The following FOLR3 variants were observed in gnomAD, a reference collection of about 807,000 sequenced individuals.
FOLR3 encodes folate receptor 3 (gamma).
In FOLR3, 9 loss-of-function variants were observed where a neutral mutation model predicts 20.0. The ratio of observed to expected loss-of-function variants is 0.45; its 90% CI spans 0.27 to 0.79. The LOEUF (loss-of-function observed/expected upper bound fraction) is 0.79. Ranked by LOEUF, FOLR3 falls within the 30% of genes least tolerant of loss-of-function variation. FOLR3 has a pLI of 0.15. For missense variants in FOLR3, 309 were observed against 323.5 expected (o/e 0.96, Z 0.34); for synonymous variants, 124 against 115.5 (o/e 1.07, Z -0.47).
At position 72,138,957 on chromosome 11, in the gene FOLR3, C is replaced by T; in HGVS notation, c.169-4C>T. The T allele has an allele frequency of 6.2e-7, 1 of 1,613,832 alleles. No homozygotes were observed. Among genetic ancestry groups the T allele is most frequent in the East Asian group, 2.2e-5 (1 of 44,870 alleles). ...AGACTTAGTCCTGTGTCTTCCCCACCCAGTGCAGTCCCTGGAAGAAGAATG... is the reference window on the plus strand; with the variant it reads ...AGACTTAGTCCTGTGTCTTCCCCACTCAGTGCAGTCCCTGGAAGAAGAATG... On this transcript the variant is annotated splice_region_variant and splice_polypyrimidine_tract_variant and intron_variant, in intron 2 of 4. Coordinates refer to ENST00000611028, the MANE Select transcript of FOLR3 (RefSeq NM_000804.4).
chr11:72,136,928 C>T (rs1947749154), intron 2 of FOLR3, among the ~76,000 whole-genome samples: 1 of 152,214 alleles, frequency 6.6e-6, no homozygotes, highest in African/African-American at 2.4e-5. Flanking sequence ...CCCTAAGACC[C>T]ATGATGTGCA....
In FOLR3 at chr11:72,139,610, G is replaced by A. The variant is rs1399685670; in HGVS notation, c.517G>A (p.Ala173Thr). The A allele has an allele frequency of 1.2e-5, 20 of 1,613,558 alleles. No individual in the cohort carries two copies. Among genetic ancestry groups the A allele is most frequent in the Non-Finnish European group, 1.7e-5 (20 of 1,179,886 alleles). Residue 173 changes from alanine (A) to threonine (T), a missense_variant, in exon 5 of 5, where the codon GCC (alanine) becomes ACC (threonine). Coordinates refer to ENST00000611028, the MANE Select transcript of FOLR3 (RefSeq NM_000804.4). ...TSGINECPAG[A>T]LCSTFESYFP... ...AGGGATTAATGAGTGTCCGGCCGGG[G>A]CCCTCTGCAGCACCTTTGAGTCCTA... is the stretch of plus-strand genomic sequence containing the variant.
In FOLR3 at chr11:72,135,754, A is replaced by G; in HGVS notation, c.-21A>G. ...CCTGGACCTACAGCGCTGTTGGTGG[A>G]GGTCCTGCCTCCAGGTAGGGGAAGG... On this transcript the variant is annotated 5_prime_UTR_variant, in exon 1 of 5. Transcript: ENST00000611028. The G allele has an allele frequency of 1.6e-6, 1 of 617,778 alleles. No individual in the cohort carries two copies. The highest frequency in any genetic ancestry group is 2.9e-6 in the Non-Finnish European group (1 of 349,600). 38.3% of individuals were successfully genotyped at this position (617,778 alleles called of 1,614,324 possible). A position where few individuals can be genotyped will look rare whatever the true frequency, so the allele number is the denominator to read the frequency against.
intron 3 of FOLR3, 47 bp downstream of exon 3, chr11:72,139,196 C>G (rs759713781): frequency 1.3e-6 from 2 of 1,579,496 alleles, no homozygotes; most frequent in Non-Finnish European, 1.7e-6. Flanking sequence ...GAGGGCGGAG[C>G]CTGCCAGTTG....
At chr11:72,138,041 G>A (rs1237519500) in intron 2 of FOLR3, among the ~76,000 whole-genome samples, 1 of 152,056 alleles carries the variant, frequency 6.6e-6, no homozygotes, top group Admixed American at 6.6e-5. Context: ...AATATTGGCT[G>A]GATGCAAAAT....
At chr11:72,136,673 T>C (rs548082352) in intron 2 of FOLR3, among the ~76,000 whole-genome samples, 8 of 152,292 alleles carry the variant, frequency 5.3e-5, no homozygotes. Flanking sequence ...AAATGGAAAC[T>C]CTGTGCCCAC....
At position 72,139,478 on chromosome 11, in the gene FOLR3, C is replaced by T. The variant is rs1236431090; in HGVS notation, c.489C>T (p.Thr163=). The change falls in exon 4 of 5, where the codon ACC becomes ACT. Residue 163 remains threonine (T), a synonymous_variant. Coordinates refer to ENST00000611028, the MANE Select transcript of FOLR3 (RefSeq NM_000804.4). The part of the protein sequence containing the change: ...KSNWHKGWNW[T]SGINECPAGA... ...ACTGGCACAAAGGCTGGAATTGGAC[C>T]TCAGGTGAGGACCTGAGGAGATAAG... 6.2e-7 allele frequency: 1 copy of T among 1,613,760 alleles called. No homozygotes were observed. The highest frequency in any genetic ancestry group is 1.1e-5 in the South Asian group (1 of 91,062).
chr11:72,139,651 C>T lies in FOLR3; in HGVS notation c.558C>T (p.Ala186=), dbSNP rs637640. The T allele has an allele frequency of 1.4e-3, 2,248 of 1,613,514 alleles. 6 individuals are homozygous for T. The highest frequency in any genetic ancestry group is 1.8e-3 in the Non-Finnish European group (2,108 of 1,179,886). ...STFESYFPTP[A]ALCEGLWSHS... ...TTGAGTCCTACTTCCCCACTCCAGC[C>T]GCCCTTTGTGAAGGCCTCTGGAGCC... Residue 186 remains alanine (A), a synonymous_variant, in exon 5 of 5, where the codon GCC becomes GCT. Coordinates refer to ENST00000611028, the MANE Select transcript of FOLR3 (RefSeq NM_000804.4).
At chr11:72,137,081 C>T (rs984135753) in intron 2 of FOLR3, among the ~76,000 whole-genome samples, 6 of 152,192 alleles carry the variant, frequency 3.9e-5, no homozygotes, top group Non-Finnish European at 5.9e-5. Context: ...GCTCCCCTCC[C>T]ATGGATTTCC....
chr11:72,138,203 C>G (rs535397475), intron 2 of FOLR3, among the ~76,000 whole-genome samples: 213 of 152,184 alleles, frequency 1.4e-3, no homozygotes, highest in African/African-American at 5.0e-3. Context: ...CCCGTCTCTA[C>G]TAAAAATACA....
In FOLR3 at chr11:72,136,033, G is replaced by A. The variant is rs745613621; in HGVS notation, c.81G>A (p.Ala27=). 36 of 1,613,836 alleles carry A rather than the reference G, an allele frequency of 2.2e-5. 1 individual carries two copies. Among genetic ancestry groups the A allele is most frequent in the Middle Eastern group, 1.6e-4 (1 of 6,084 alleles). ...TAAGSAQPRS[A]RARTDLLNVC... is the part of the protein sequence containing the mutation. ...CGGGGAGTGCCCAGCCCAGGAGTGCGCGGGCCAGGACGGACCTGCTCAATG... is the reference window on the plus strand; with the variant it reads ...CGGGGAGTGCCCAGCCCAGGAGTGCACGGGCCAGGACGGACCTGCTCAATG... The change falls in exon 2 of 5, where the codon GCG becomes GCA. Residue 27 remains alanine (A), a synonymous_variant. Coordinates refer to ENST00000611028, the MANE Select transcript of FOLR3 (RefSeq NM_000804.4).
chr11:72,139,158 G>T lies in FOLR3; in HGVS notation c.357+9G>T. ...GGCCCTGGATCCGGCAGGTATGAGTGCTGTTCCCACAAACATTAACCTCAG... is the reference window on the plus strand; with the variant it reads ...GGCCCTGGATCCGGCAGGTATGAGTTCTGTTCCCACAAACATTAACCTCAG... On this transcript the variant is annotated intron_variant, in intron 3 of 4. Coordinates refer to ENST00000611028, the MANE Select transcript of FOLR3 (RefSeq NM_000804.4). The T allele has an allele frequency of 6.2e-7, 1 of 1,609,162 alleles. No individual in the cohort carries two copies. Among genetic ancestry groups the T allele is most frequent in the South Asian group, 1.1e-5 (1 of 90,520 alleles).
intron 2 of FOLR3, among the ~76,000 whole-genome samples, chr11:72,137,360 C>A (rs1947754376): frequency 6.6e-6 from 1 of 152,030 alleles, no homozygotes; most frequent in Admixed American, 6.6e-5. Flanking sequence ...CGTTCTCCAC[C>A]ACTCTCAGGA....
rs1947784169 is a variant in FOLR3, at chr11:72,139,219, G to T, written c.357+70G>T. 1.9e-6 allele frequency: 3 copies of T among 1,565,628 alleles called. No homozygotes were observed. In the Admixed American group the frequency reaches 5.4e-5, roughly 28 times the overall value. On this transcript the variant is annotated intron_variant, in intron 3 of 4. Coordinates refer to ENST00000611028, the MANE Select transcript of FOLR3 (RefSeq NM_000804.4). ...AGCCTGCCAGTTGCTGGCAGGGAGG[G>T]CTTGGTCCAGGAATTCGGGTCTGAG...
chr11:72,135,730 C>A lies in FOLR3; in HGVS notation c.-45C>A, dbSNP rs910246035. On this transcript the variant is annotated 5_prime_UTR_variant, in exon 1 of 5. In the 5' UTR this introduces an upstream ATG that the reference lacks. Coordinates refer to ENST00000611028, the MANE Select transcript of FOLR3 (RefSeq NM_000804.4). Reference sequence around the variant, plus strand: ...TCACAGAGCAAGCTGGTGTCAGAGCCTGGACCTACAGCGCTGTTGGTGGAG... The same window carrying A: ...TCACAGAGCAAGCTGGTGTCAGAGCATGGACCTACAGCGCTGTTGGTGGAG... 1 of 588,232 alleles carries A rather than the reference C, an allele frequency of 1.7e-6. No homozygotes were observed. Among genetic ancestry groups the A allele is most frequent in the Non-Finnish European group, 3.0e-6 (1 of 329,294 alleles). The allele number at this position is 588,232 out of a possible 1,614,324, so 36.4% of individuals were successfully genotyped here. A position where few individuals can be genotyped will look rare whatever the true frequency, so the allele number is the denominator to read the frequency against.
chr11:72,138,015 T>A (rs969958622), intron 2 of FOLR3, among the ~76,000 whole-genome samples: 5 of 152,144 alleles, frequency 3.3e-5, no homozygotes, highest in African/African-American at 1.2e-4. Flanking sequence ...GCCTGATGTA[T>A]AATCAGCACT....
chr11:72,139,202 A>T, intron 3 of FOLR3, 53 bp downstream of exon 3: 3 of 1,574,238 alleles, frequency 1.9e-6, no homozygotes, highest in Middle Eastern at 1.7e-4. Context: ...GGAGCCTGCC[A>T]GTTGCTGGCA....
intron 2 of FOLR3, among the ~76,000 whole-genome samples, chr11:72,137,028 C>T (rs893708226): frequency 2.6e-5 from 4 of 152,154 alleles, no homozygotes; most frequent in Non-Finnish European, 4.4e-5. Flanking sequence ...CTGTGTCAGC[C>T]GGCACTGGGC....
At position 72,139,495 on chromosome 11, in the gene FOLR3, G is replaced by T; in HGVS notation, c.493+13G>T. The T allele has an allele frequency of 6.2e-7, 1 of 1,613,872 alleles. No individual in the cohort carries two copies. Among genetic ancestry groups the T allele is most frequent in the South Asian group, 1.1e-5 (1 of 91,078 alleles). On this transcript the variant is annotated intron_variant, in intron 4 of 4. Transcript: ENST00000611028. ...AATTGGACCTCAGGTGAGGACCTGA[G>T]GAGATAAGATGAGGAGTGGGAGTGG...
Sources: gnomAD v4.1 joint callset for allele counts (sites outside exome capture counted in the v4.1 genomes callset) on GRCh38, gnomAD v4.1.1 for gene constraint, MANE v1.5 for transcripts, NCBI Gene and HGNC (gene_info 2026-07-23, HGNC 2026-07-21) for gene names.